The following KCNQ1 variants were observed in gnomAD, a reference collection of about 807,000 sequenced individuals.
The protein encoded by KCNQ1 is potassium voltage-gated channel subfamily Q member 1.
KCNQ1 carries 49 observed loss-of-function variants against 72.4 expected under a neutral mutation model. The observed-to-expected ratio is 0.68, with a 90% CI of 0.54 to 0.86. The LOEUF (loss-of-function observed/expected upper bound fraction) is 0.86. Ranked by LOEUF, KCNQ1 falls within the 40% of genes least tolerant of loss-of-function variation. The pLI is 0.00. For synonymous variants in KCNQ1, 450 were observed against 412.6 expected (o/e 1.09, Z -1.10); for missense variants, 790 against 945.1 (o/e 0.84, Z 2.15).
chr11:2,569,673 C>A (rs2133724908), intron 2 of KCNQ1, among the ~76,000 whole-genome samples: 1 of 152,360 alleles, frequency 6.6e-6, no homozygotes, highest in South Asian at 2.1e-4. Context: ...CTCCCGTACA[C>A]CCCGGCTGCC....
intron 15 of KCNQ1, among the ~76,000 whole-genome samples, chr11:2,802,209 T>C (rs1454220978): frequency 1.3e-5 from 2 of 152,156 alleles, no homozygotes; most frequent in African/African-American, 2.4e-5. Flanking sequence ...CTTCTGACAA[T>C]GCGAAGCCCA....
intron 10 of KCNQ1, chr11:2,635,734 C>G (rs1849454257): frequency 6.6e-6 from 1 of 152,094 alleles, no homozygotes; most frequent in Non-Finnish European, 1.5e-5. Context: ...TCATTGGTAG[C>G]TTGATGGGGA....
intron 11 of KCNQ1, among the ~76,000 whole-genome samples, chr11:2,754,853 C>T (rs531673826): frequency 7.9e-5 from 12 of 152,138 alleles, no homozygotes; most frequent in Non-Finnish European, 1.3e-4. Context: ...TTGGTCAATT[C>T]GATTTTACAA....
At chr11:2,694,146 G>T in intron 11 of KCNQ1, 1 of 398,650 alleles carries the variant, frequency 2.5e-6, no homozygotes, top group South Asian at 1.3e-4. Context: ...TTATACTGCT[G>T]ACCAGGGAAG....
At chr11:2,814,268 T>A (rs1275899409) in intron 15 of KCNQ1, among the ~76,000 whole-genome samples, 2 of 131,490 alleles carry the variant, frequency 1.5e-5, no homozygotes, top group South Asian at 2.2e-4. Context: ...GAATAAAGGA[T>A]GGATGGATGG....
rs1028875504 is a variant in KCNQ1, at chr11:2,712,246, C to T, written c.1514+50165C>T. 1.3e-5 allele frequency among the ~76,000 whole-genome samples: 2 copies of T among 152,126 alleles called. No homozygotes were observed. Among genetic ancestry groups the T allele is most frequent in the Admixed American group, 1.3e-4 (2 of 15,274 alleles). Reference sequence around the variant, plus strand: ...GAGTGCCTTCTGGGTGCCCGGCCCTCTACTAGATGTGGGAGTTACCGTGTG... The same window carrying T: ...GAGTGCCTTCTGGGTGCCCGGCCCTTTACTAGATGTGGGAGTTACCGTGTG... On this transcript the variant is annotated intron_variant, in intron 11 of 15. Coordinates refer to ENST00000155840, the MANE Select transcript of KCNQ1 (RefSeq NM_000218.3). This position sits in a 1 kb window ranked among gnomAD's most constrained non-coding sequence, Gnocchi z 6.4.
intron 2 of KCNQ1, among the ~76,000 whole-genome samples, chr11:2,539,419 C>T (rs951669623): frequency 6.6e-6 from 1 of 152,220 alleles, no homozygotes; most frequent in African/African-American, 2.4e-5. Context: ...AACGGGCTTA[C>T]GCTAGGCAGG....
rs568971549 is a variant in KCNQ1, at chr11:2,450,048, C to T, written c.386+4564C>T. Among the ~76,000 whole-genome samples, 10 of 152,312 alleles carry T rather than the reference C, an allele frequency of 6.6e-5. No individual in the cohort carries two copies. The highest frequency in any genetic ancestry group is 1.9e-4 in the East Asian group (1 of 5,182). On this transcript the variant is annotated intron_variant, in intron 1 of 15. Transcript: ENST00000155840. This position sits in a 1 kb window ranked among gnomAD's most constrained non-coding sequence, Gnocchi z 7.9. ...CACGTCCTGGTCCTGAGCCCCTGCT[C>T]GGCCCTAGGCAGGGCCCCCAGTTCC...
chr11:2,690,498 G>A lies in KCNQ1; in HGVS notation c.1514+28417G>A, dbSNP rs978137125. ...GAACAGCCACTGGGCCCAGTCGGGG[G>A]GGTCTCAGCACCTATCACAAAGAAA... On this transcript the variant is annotated intron_variant, in intron 11 of 15. Coordinates refer to ENST00000155840, the MANE Select transcript of KCNQ1 (RefSeq NM_000218.3). The surrounding 1 kb of genome is among the most constrained non-coding windows in gnomAD (Gnocchi z 5.1). The A allele has an allele frequency of 1.5e-5, 6 of 398,496 alleles. No homozygotes were observed. The highest frequency in any genetic ancestry group is 1.2e-4 in the African/African-American group (6 of 48,616). The allele number at this position is 398,496 out of a possible 1,614,324, so 24.7% of individuals were successfully genotyped here.
At chr11:2,684,418 G>C (rs1340893589) in intron 11 of KCNQ1, 1 of 398,530 alleles carries the variant, frequency 2.5e-6, no homozygotes, top group Admixed American at 4.4e-5. Context: ...CAGTGCCCCA[G>C]CACCACCTCT....
chr11:2,533,341 C>CCGTGAACACCA (rs1359296838), intron 2 of KCNQ1, among the ~76,000 whole-genome samples: 1 of 152,186 alleles, frequency 6.6e-6, no homozygotes, highest in Non-Finnish European at 1.5e-5. Context: ...CCGGCCGGCA[C>CCGTGAACACCA]CGTGAACACC....
rs866121991 is a variant in KCNQ1, at chr11:2,682,037, C to G, written c.1514+19956C>G. 1.5e-5 allele frequency: 6 copies of G among 398,474 alleles called. No homozygotes were observed. The highest frequency in any genetic ancestry group is 1.2e-3 in the Middle Eastern group (2 of 1,610). The allele number at this position is 398,474 out of a possible 1,614,324, so 24.7% of individuals were successfully genotyped here. A position where few individuals can be genotyped will look rare whatever the true frequency, so the allele number is the denominator to read the frequency against. ...TTTTAACACAAGAATATTATCACTCCTGTTTTATAGATAATCTCCTAAGGG... is the reference window on the plus strand; with the variant it reads ...TTTTAACACAAGAATATTATCACTCGTGTTTTATAGATAATCTCCTAAGGG... On this transcript the variant is annotated intron_variant, in intron 11 of 15. Coordinates refer to ENST00000155840, the MANE Select transcript of KCNQ1 (RefSeq NM_000218.3). The surrounding 1 kb of genome is among the most constrained non-coding windows in gnomAD (Gnocchi z 5.8).
At position 2,570,669 on chromosome 11, in the gene KCNQ1, C is replaced by T. The variant is rs140857754; in HGVS notation, c.519C>T (p.Val173=). ...TGTTCTTCGGGACGGAGTACGTGGT[C>T]CGCCTCTGGTCCGCCGGCTGCCGCA... ...LVVFFGTEYV[V]RLWSAGCRSK... is the part of the protein sequence containing the mutation. Residue 173 remains valine, a synonymous_variant, in exon 3 of 16, where the codon GTC becomes GTT. Coordinates refer to ENST00000155840, the MANE Select transcript of KCNQ1 (RefSeq NM_000218.3). The T allele has an allele frequency of 6.2e-7, 1 of 1,612,632 alleles. No homozygotes were observed.
rs144599522 is a variant in KCNQ1 at position 2,838,208 on chromosome 11, G to T, written c.1795-9559G>T. On this transcript the variant is annotated intron_variant, in intron 15 of 15. Transcript: ENST00000155840. ...GGTGGGGATGGAAGGAAGCCAGACT[G>T]ACCTCACGTGGCTCACAGCCACTGG... Among the ~76,000 whole-genome samples, 21 of 152,372 alleles carry T rather than the reference G, an allele frequency of 1.4e-4. No individual in the cohort carries two copies. In the East Asian group the frequency reaches 4.1e-3, roughly 29 times the overall value.
At position 2,703,505 on chromosome 11, in the gene KCNQ1, G is replaced by A. The variant is rs911147158; in HGVS notation, c.1514+41424G>A. 4.6e-5 allele frequency among the ~76,000 whole-genome samples: 7 copies of A among 152,156 alleles called. No individual in the cohort carries two copies. The highest frequency in any genetic ancestry group is 1.7e-4 in the African/African-American group (7 of 41,436). On this transcript the variant is annotated intron_variant, in intron 11 of 15. Transcript: ENST00000155840. The surrounding 1 kb of genome is among the most constrained non-coding windows in gnomAD (Gnocchi z 6.4). ...CACCCGAGAGCACGCACGCACACAC[G>A]CACTCACAGCTGAAGAGAATTAGGC...
rs1237829472 is a variant in KCNQ1, at chr11:2,488,622, A to G, written c.387-39306A>G. 2.0e-5 allele frequency among the ~76,000 whole-genome samples: 3 copies of G among 152,208 alleles called. No homozygotes were observed. Among genetic ancestry groups the G allele is most frequent in the Non-Finnish European group, 4.4e-5 (3 of 68,032 alleles). On this transcript the variant is annotated intron_variant, in intron 1 of 15. Coordinates refer to ENST00000155840, the MANE Select transcript of KCNQ1 (RefSeq NM_000218.3). The surrounding 1 kb of genome is among the most constrained non-coding windows in gnomAD (Gnocchi z 5.1). ...AGAATTTGTCCATTTCATCTAGGTT[A>G]TCCAATTTGTTGATACACAATTGTT... is the stretch of plus-strand genomic sequence containing the variant.
At chr11:2,733,851 CT>C (rs1845904693) in intron 11 of KCNQ1, among the ~76,000 whole-genome samples, 2 of 70,762 alleles carry the variant, frequency 2.8e-5, no homozygotes, top group Admixed American at 1.2e-4. Context: ...CTCTCTCTCT[CT>C]CTCTCCCCCC....
At chr11:2,844,621 A>C (rs1025331383) in intron 15 of KCNQ1, among the ~76,000 whole-genome samples, 1 of 152,160 alleles carries the variant, frequency 6.6e-6, no homozygotes, top group Non-Finnish European at 1.5e-5. Context: ...GCTGTCACCA[A>C]AGTGGCTCAG....
intron 11 of KCNQ1, among the ~76,000 whole-genome samples, chr11:2,733,016 G>A (rs1457289624): frequency 6.6e-6 from 1 of 152,152 alleles, no homozygotes; most frequent in African/African-American, 2.4e-5. Flanking sequence ...GAGGGGGTCT[G>A]GGACACAGCC....
Sources: allele counts gnomAD v4.1 joint callset (sites outside exome capture counted in the v4.1 genomes callset), GRCh38; gene constraint gnomAD v4.1.1; non-coding constraint Gnocchi (gnomAD v3.1); transcripts MANE v1.5; gene names NCBI Gene and HGNC (gene_info 2026-07-23, HGNC 2026-07-21).